MAGI2: variants seen among roughly 807,000 people sequenced by gnomAD.
MAGI2 encodes membrane associated guanylate kinase, WW and PDZ domain containing 2, also known as membrane-associated guanylate kinase, WW and PDZ domain-containing protein 2.
MAGI2 carries 35 observed loss-of-function variants against 133.3 expected under a neutral mutation model. That is an observed-to-expected ratio of 0.26 (90% confidence interval 0.20 to 0.35). The LOEUF (loss-of-function observed/expected upper bound fraction) is 0.35, where lower values mean the gene tolerates loss of function less well. Ranked by LOEUF, MAGI2 falls within the 10% of genes least tolerant of loss-of-function variation. The probability of loss-of-function intolerance (pLI) is 1.00; values close to 1 mark genes in which losing one functional copy is unlikely to be tolerated. For missense variants in MAGI2, 1,636 were observed against 1,863.4 expected (o/e 0.88, Z 2.25); for synonymous variants, 729 against 710.6 (o/e 1.03, Z -0.41).
rs538793841 is a variant in MAGI2 at position 79,401,323 on chromosome 7, CT to C, written c.301+51696del. Among the ~76,000 whole-genome samples the C allele has an allele frequency of 2.2e-4, 33 of 152,262 alleles. 1 individual carries two copies. In the East Asian group the frequency reaches 6.4e-3, roughly 29 times the overall value. ...TAGCACTTGCTATCAACTGTGCAGT[CT>C]CACAGCAAAATTTATTGAATAAATA... On this transcript the variant is annotated intron_variant, in intron 1 of 21. Coordinates refer to ENST00000354212, the MANE Select transcript of MAGI2 (RefSeq NM_012301.4).
intron 2 of MAGI2, among the ~76,000 whole-genome samples, chr7:78,891,663 T>C (rs946818226): frequency 2.0e-5 from 3 of 152,166 alleles, no homozygotes; most frequent in African/African-American, 7.2e-5. Flanking sequence ...AAAAGGCCTT[T>C]GACAAAATTC....
chr7:78,314,250 A>G (rs1787177491), intron 9 of MAGI2, among the ~76,000 whole-genome samples: 1 of 152,218 alleles, frequency 6.6e-6, no homozygotes, highest in Non-Finnish European at 1.5e-5. Context: ...TTTATATGAT[A>G]TACTCATAGG....
chr7:79,119,468 A>C (rs1819696098), intron 1 of MAGI2, among the ~76,000 whole-genome samples: 1 of 152,142 alleles, frequency 6.6e-6, no homozygotes. Context: ...TGTTCAGATG[A>C]ATCAATCCAA....
intron 2 of MAGI2, among the ~76,000 whole-genome samples, chr7:78,630,707 G>C (rs1013431358): frequency 6.6e-6 from 1 of 151,902 alleles, no homozygotes; most frequent in Non-Finnish European, 1.5e-5. Context: ...GAGCCACTGC[G>C]CCCGGCTGTG....
At chr7:78,100,586 A>T (rs1043795768) in intron 20 of MAGI2, among the ~76,000 whole-genome samples, 1 of 151,918 alleles carries the variant, frequency 6.6e-6, no homozygotes, top group Non-Finnish European at 1.5e-5. Flanking sequence ...TCCTGGGCTC[A>T]AGTGGTCCTT....
chr7:79,437,161 A>C (rs1848199847), intron 1 of MAGI2, among the ~76,000 whole-genome samples: 1 of 152,122 alleles, frequency 6.6e-6, no homozygotes. Flanking sequence ...CATGGACATA[A>C]ACATGGAAAC....
intron 16 of MAGI2, among the ~76,000 whole-genome samples, chr7:78,153,127 A>G (rs919381979): frequency 2.0e-5 from 3 of 152,252 alleles, no homozygotes; most frequent in Non-Finnish European, 4.4e-5. Flanking sequence ...CTAAGGCACT[A>G]GGATAAGCAC....
At chr7:78,129,444 A>T (rs1471704138) in intron 18 of MAGI2, among the ~76,000 whole-genome samples, 1 of 152,256 alleles carries the variant, frequency 6.6e-6, no homozygotes, top group Non-Finnish European at 1.5e-5. Flanking sequence ...GGATTATTTT[A>T]AAAAGCTGGC....
At chr7:78,727,713 C>T (rs1021673293) in intron 2 of MAGI2, among the ~76,000 whole-genome samples, 9 of 152,200 alleles carry the variant, frequency 5.9e-5, no homozygotes, top group Admixed American at 5.9e-4. Context: ...AACTTGACAG[C>T]TAATCACATC....
intron 3 of MAGI2, among the ~76,000 whole-genome samples, chr7:78,546,440 CTAAAT>C (rs1243612595): frequency 2.0e-5 from 3 of 152,040 alleles, no homozygotes; most frequent in African/African-American, 7.3e-5. Context: ...ACATAATACT[CTAAAT>C]TAAAGAAAAG....
intron 2 of MAGI2, among the ~76,000 whole-genome samples, chr7:78,777,278 G>C (rs1826058112): frequency 6.6e-6 from 1 of 152,186 alleles, no homozygotes; most frequent in South Asian, 2.1e-4. Context: ...CAAAGAGGCA[G>C]AGCTTCAGCG....
At chr7:79,028,137 G>C (rs904166610) in intron 1 of MAGI2, among the ~76,000 whole-genome samples, 2 of 149,962 alleles carry the variant, frequency 1.3e-5, no homozygotes, top group Non-Finnish European at 3.0e-5. Flanking sequence ...GCTTGAACCC[G>C]GGATGCGGAG....
chr7:78,261,910 T>C (rs1793555355), intron 9 of MAGI2, among the ~76,000 whole-genome samples: 1 of 152,190 alleles, frequency 6.6e-6, no homozygotes, highest in Non-Finnish European at 1.5e-5. Context: ...CATGTACTTT[T>C]GGGGGTGTGC....
At position 79,453,364 on chromosome 7, in the gene MAGI2, A is replaced by AG. The variant is rs781098331; in HGVS notation, c.-45dup. ...CTCAGTTCCTGGGCTCCTTGGGGTT[A>AG]GGGGGGCTGGTGGTGAGAGAATGAG... On this transcript the variant is annotated 5_prime_UTR_variant, in exon 1 of 22. Coordinates refer to ENST00000354212, the MANE Select transcript of MAGI2 (RefSeq NM_012301.4). 1.9e-6 allele frequency: 3 copies of AG among 1,553,848 alleles called. No individual in the cohort carries two copies. Among genetic ancestry groups the AG allele is most frequent in the Non-Finnish European group, 1.7e-6 (2 of 1,152,172 alleles).
intron 10 of MAGI2, among the ~76,000 whole-genome samples, chr7:78,239,211 C>A (rs945104355): frequency 5.9e-5 from 9 of 152,246 alleles, no homozygotes; most frequent in Admixed American, 2.0e-4. Context: ...TATCCCCATG[C>A]AGAAGGATGA....
chr7:78,327,000 G>A (rs1788655966), intron 9 of MAGI2, among the ~76,000 whole-genome samples: 1 of 152,128 alleles, frequency 6.6e-6, no homozygotes, highest in Admixed American at 6.5e-5. Flanking sequence ...TCTGGTGAAT[G>A]GTAACTGGCT....
intron 3 of MAGI2, chr7:78,619,033 A>C (rs1807427648): frequency 8.6e-6 from 1 of 116,524 alleles, no homozygotes; most frequent in Middle Eastern, 4.2e-3. Context: ...AAAAAAAAAG[A>C]ATTTCAAATG....
intron 2 of MAGI2, among the ~76,000 whole-genome samples, chr7:78,967,898 T>G (rs1405673469): frequency 6.6e-6 from 1 of 152,146 alleles, no homozygotes; most frequent in Non-Finnish European, 1.5e-5. Context: ...TGGTGCAATC[T>G]TGGCTCACTG....
intron 5 of MAGI2, among the ~76,000 whole-genome samples, chr7:78,492,652 T>A (rs117970125): frequency 0.029 from 4,431 of 152,296 alleles, 93 homozygotes; most frequent in Non-Finnish European, 0.042. Context: ...TTCTGCGTAC[T>A]ATCTTTCAAG....
Sources: allele counts gnomAD v4.1 joint callset (sites outside exome capture counted in the v4.1 genomes callset), GRCh38; gene constraint gnomAD v4.1.1; transcripts MANE v1.5; gene names NCBI Gene and HGNC (gene_info 2026-07-23, HGNC 2026-07-21).